The following AKAP19 variants were observed in gnomAD, a reference collection of about 807,000 sequenced individuals.
AKAP19 encodes the protein A-kinase anchoring protein 19.
At chr2:190,178,713 C>T in the AKAP19 span, among the ~76,000 whole-genome samples, 1 of 152,204 alleles carries the variant, frequency 6.6e-6, no homozygotes, top group South Asian at 2.1e-4. The surrounding 1 kb of genome is among the most constrained non-coding windows in gnomAD (Gnocchi z 6.3). Context: ...AAAGGCTGGT[C>T]CAATTTGTTC....
At chr2:189,958,903 A>G in the AKAP19 span, among the ~76,000 whole-genome samples, 1 of 152,142 alleles carries the variant, frequency 6.6e-6, no homozygotes, top group Non-Finnish European at 1.5e-5. Flanking sequence ...GTTCAAAAGT[A>G]AACATAAGTT....
chr2:189,940,798 G>A, the AKAP19 span, among the ~76,000 whole-genome samples: 2 of 152,104 alleles, frequency 1.3e-5, no homozygotes, highest in African/African-American at 4.8e-5. Context: ...GGCTGAGGCA[G>A]GAGAGTGGCA....
At chr2:189,913,066 T>C in the AKAP19 span, among the ~76,000 whole-genome samples, 1 of 152,186 alleles carries the variant, frequency 6.6e-6, no homozygotes, top group Non-Finnish European at 1.5e-5. Context: ...CAAATGTATA[T>C]ATTACACTTT....
At chr2:190,063,734 C>A in the AKAP19 span, among the ~76,000 whole-genome samples, 1 of 152,090 alleles carries the variant, frequency 6.6e-6, no homozygotes, top group African/African-American at 2.4e-5. Flanking sequence ...GCCAATTTCT[C>A]ATTTTGACCA....
At chr2:190,096,263 G>A in the AKAP19 span, among the ~76,000 whole-genome samples, 3 of 152,290 alleles carry the variant, frequency 2.0e-5, no homozygotes, top group South Asian at 4.1e-4. Context: ...ATACAGGAAA[G>A]GGAAACTTGA....
chr2:190,006,328 G>T, the AKAP19 span, among the ~76,000 whole-genome samples: 2,830 of 152,302 alleles, frequency 0.019, 92 homozygotes, highest in African/African-American at 0.06. Context: ...TCTCAAAGTG[G>T]ATAATTCAGT....
At chr2:189,983,315 C>A in the AKAP19 span, among the ~76,000 whole-genome samples, 1 of 152,142 alleles carries the variant, frequency 6.6e-6, no homozygotes, top group Non-Finnish European at 1.5e-5. Context: ...TTTTCCCACT[C>A]CAGAGCAGGC....
the AKAP19 span, among the ~76,000 whole-genome samples, chr2:190,028,796 G>C: frequency 6.6e-6 from 1 of 152,038 alleles, no homozygotes. Context: ...AATATAGATG[G>C]AAAAAACCTA....
the AKAP19 span, among the ~76,000 whole-genome samples, chr2:190,042,521 G>A: frequency 6.6e-6 from 1 of 151,720 alleles, no homozygotes; most frequent in Admixed American, 6.6e-5. Context: ...CTTCAGTTCA[G>A]CTCTGATTTT....
At chr2:189,930,706 T>A in the AKAP19 span, 1 of 520,408 alleles carries the variant, frequency 1.9e-6, no homozygotes, top group Non-Finnish European at 3.5e-6. Flanking sequence ...TTGAATTGGG[T>A]CCCCATAAAC....
At chr2:190,010,455 T>A in the AKAP19 span, among the ~76,000 whole-genome samples, 3 of 152,202 alleles carry the variant, frequency 2.0e-5, no homozygotes, top group African/African-American at 7.2e-5. Context: ...TACTGTATGA[T>A]TGCTGAGCAA....
At chr2:190,083,497 C>T in the AKAP19 span, among the ~76,000 whole-genome samples, 6,578 of 151,436 alleles carry the variant, frequency 0.043, 347 homozygotes, top group African/African-American at 0.13. Context: ...ACCTGATAAC[C>T]TTGTATAAGA....
chr2:190,143,279 T>C, the AKAP19 span, among the ~76,000 whole-genome samples: 5 of 52,962 alleles, frequency 9.4e-5, no homozygotes, highest in Admixed American at 5.5e-4. Context: ...AACTTTATCC[T>C]GTAGGAAAAA....
chr2:189,919,381 G>C, the AKAP19 span, among the ~76,000 whole-genome samples: 1 of 151,810 alleles, frequency 6.6e-6, no homozygotes, highest in Non-Finnish European at 1.5e-5. Context: ...CTTTTAAATA[G>C]TTAATGGTTA....
chr2:189,917,053 T>C, the AKAP19 span, among the ~76,000 whole-genome samples: 4 of 152,294 alleles, frequency 2.6e-5, no homozygotes, highest in South Asian at 8.3e-4. Flanking sequence ...TTACATTTTA[T>C]CAAAATAAGG....
At chr2:190,187,975 G>A in the AKAP19 span, among the ~76,000 whole-genome samples, 1 of 152,124 alleles carries the variant, frequency 6.6e-6, no homozygotes, top group Non-Finnish European at 1.5e-5. Context: ...TATATTTTTA[G>A]AGCTTTGAGC....
chr2:189,934,213 T>C, the AKAP19 span, among the ~76,000 whole-genome samples: 93,890 of 151,908 alleles, frequency 0.62, 32,706 homozygotes, highest in South Asian at 0.79. Context: ...AATAGTAGTG[T>C]GAAGAAGAGT....
chr2:190,045,429 C>A, the AKAP19 span, among the ~76,000 whole-genome samples: 1 of 152,144 alleles, frequency 6.6e-6, no homozygotes, highest in African/African-American at 2.4e-5. Flanking sequence ...TGAGGCACGG[C>A]TGAAGGCCCT....
chr2:190,175,333 C>G, the AKAP19 span, among the ~76,000 whole-genome samples: 1 of 152,098 alleles, frequency 6.6e-6, no homozygotes, highest in African/African-American at 2.4e-5. Context: ...AAAAGGAATG[C>G]AGAACAACTT....
Sources: gnomAD v4.1 joint callset for allele counts (sites outside exome capture counted in the v4.1 genomes callset) on GRCh38, gnomAD v4.1.1 for gene constraint, Gnocchi (gnomAD v3.1) non-coding constraint, MANE v1.5 for transcripts, NCBI Gene and HGNC (gene_info 2026-07-23, HGNC 2026-07-21) for gene names.